Variants in GPC6 observed in about 807,000 individuals in gnomAD.
GPC6 encodes the protein glypican 6.
A neutral mutation model predicts 55.2 loss-of-function variants in GPC6; 14 were observed. The observed-to-expected ratio is 0.25, with a 90% CI of 0.17 to 0.40. GPC6 has a LOEUF of 0.40. Among genes scored for constraint, GPC6 ranks in the 10% least tolerant of loss-of-function variants. The pLI, the probability that GPC6 is intolerant of heterozygous loss-of-function variation, is 1.00. For missense variants in GPC6, 641 were observed against 708.5 expected, an observed-to-expected ratio of 0.90 and a Z score of 1.08; for synonymous variants, 278 against 259.6, an observed-to-expected ratio of 1.07 and a Z score of -0.68.
intron 6 of GPC6, among the ~76,000 whole-genome samples, chr13:94,341,836 A>G (rs1225932941): frequency 6.6e-6 from 1 of 152,264 alleles, no homozygotes; most frequent in Non-Finnish European, 1.5e-5. Flanking sequence ...AATGATATTA[A>G]TAATGCATTA....
intron 2 of GPC6, among the ~76,000 whole-genome samples, chr13:93,705,937 G>T (rs1882835456): frequency 6.6e-6 from 1 of 150,864 alleles, no homozygotes; most frequent in Non-Finnish European, 1.5e-5. Flanking sequence ...AATGAAACAT[G>T]AATACATACA....
At chr13:93,901,887 T>G (rs187999422) in intron 3 of GPC6, among the ~76,000 whole-genome samples, 1 of 138,638 alleles carries the variant, frequency 7.2e-6, no homozygotes, top group Admixed American at 7.5e-5. Flanking sequence ...GGCCACAGAG[T>G]GAGATTCCAT....
In GPC6 at chr13:93,307,226, T is replaced by C. The variant is rs542875395; in HGVS notation, c.160+79610T>C. ...CATATATGGCAGTAGTACAATGTAA[T>C]TTCTGGTATGGGTGAAATTATAGCC... is the stretch of plus-strand genomic sequence containing the variant. On this transcript the variant is annotated intron_variant, in intron 1 of 8. Coordinates refer to ENST00000377047, the MANE Select transcript of GPC6 (RefSeq NM_005708.5). Among the ~76,000 whole-genome samples, 3 of 152,264 alleles carry C rather than the reference T, an allele frequency of 2.0e-5. No homozygotes were observed. The South Asian group carries it at 6.2e-4, about 32-fold the overall frequency.
At chr13:93,501,238 A>G (rs376584205) in intron 1 of GPC6, among the ~76,000 whole-genome samples, 1 of 152,156 alleles carries the variant, frequency 6.6e-6, no homozygotes, top group African/African-American at 2.4e-5. Context: ...AAATGCTTAA[A>G]TCTCACACTT....
At chr13:93,580,978 T>C (rs1415321954) in intron 2 of GPC6, among the ~76,000 whole-genome samples, 1 of 152,136 alleles carries the variant, frequency 6.6e-6, no homozygotes, top group African/African-American at 2.4e-5. Context: ...AGCAAAAGGA[T>C]TTGTCACATT....
intron 3 of GPC6, among the ~76,000 whole-genome samples, chr13:93,905,425 A>C (rs1876612426): frequency 6.6e-6 from 1 of 152,184 alleles, no homozygotes; most frequent in Non-Finnish European, 1.5e-5. Context: ...ATAAGAAGTT[A>C]GTTAATTTTG....
intron 1 of GPC6, among the ~76,000 whole-genome samples, chr13:93,375,657 G>A (rs1290346695): frequency 2.0e-5 from 3 of 152,196 alleles, no homozygotes; most frequent in Admixed American, 6.5e-5. Context: ...GGCCATTCTG[G>A]CTGGACAACC....
intron 1 of GPC6, among the ~76,000 whole-genome samples, chr13:93,321,949 C>T (rs1879456506): frequency 6.6e-6 from 1 of 152,118 alleles, no homozygotes; most frequent in Admixed American, 6.6e-5. Flanking sequence ...ATCAGTCTTC[C>T]TCTTCCTCCC....
intron 3 of GPC6, among the ~76,000 whole-genome samples, chr13:93,950,526 A>T (rs1879207099): frequency 1.3e-5 from 2 of 152,188 alleles, no homozygotes; most frequent in African/African-American, 4.8e-5. Context: ...ATTACTAGTG[A>T]TGAGGATGAT....
intron 6 of GPC6, among the ~76,000 whole-genome samples, chr13:94,340,881 A>G (rs1878000115): frequency 6.6e-6 from 1 of 152,254 alleles, no homozygotes; most frequent in African/African-American, 2.4e-5. Context: ...GCCCCTTGCT[A>G]ACATTACCAA....
chr13:94,148,387 C>G (rs1368099865), intron 4 of GPC6, among the ~76,000 whole-genome samples: 1 of 152,100 alleles, frequency 6.6e-6, no homozygotes, highest in African/African-American at 2.4e-5. Flanking sequence ...CCAGGAAAAA[C>G]TCATTACAGG....
In GPC6 at chr13:93,585,339, A is replaced by AAC. The variant is rs200771932; in HGVS notation, c.319+39932_319+39933dup. ...CCTCATTCTACCTGGTATATGTTAAAACACACACACACACATGCACAATTT... is the reference window on the plus strand; with the variant it reads ...CCTCATTCTACCTGGTATATGTTAAAACACACACACACACACATGCACAATTT... On this transcript the variant is annotated intron_variant, in intron 2 of 8. Transcript: ENST00000377047. Among the ~76,000 whole-genome samples, 99 of 151,916 alleles carry AAC rather than the reference A, an allele frequency of 6.5e-4. No homozygotes were observed. The East Asian group carries it at 0.017, about 26-fold the overall frequency.
chr13:94,137,843 A>G (rs1887240551), intron 4 of GPC6, among the ~76,000 whole-genome samples: 1 of 152,208 alleles, frequency 6.6e-6, no homozygotes, highest in Non-Finnish European at 1.5e-5. Flanking sequence ...GATTGAAAGA[A>G]GGGAGGTGGA....
intron 3 of GPC6, among the ~76,000 whole-genome samples, chr13:93,948,226 A>G (rs1370594237): frequency 6.6e-6 from 1 of 152,204 alleles, no homozygotes; most frequent in Non-Finnish European, 1.5e-5. Flanking sequence ...GCCCCCCATT[A>G]AATGATTATA....
At chr13:93,284,400 A>G (rs1878044748) in intron 1 of GPC6, among the ~76,000 whole-genome samples, 1 of 152,250 alleles carries the variant, frequency 6.6e-6, no homozygotes, top group Non-Finnish European at 1.5e-5. Context: ...TGTCTGAGCT[A>G]CAGAGAATAT....
At chr13:94,381,336 C>A (rs1469190873) in intron 6 of GPC6, among the ~76,000 whole-genome samples, 1 of 152,138 alleles carries the variant, frequency 6.6e-6, no homozygotes, top group Admixed American at 6.5e-5. Context: ...AGTCTGAAAT[C>A]AAGGTGTCGG....
intron 4 of GPC6, among the ~76,000 whole-genome samples, chr13:94,115,445 A>T (rs554188950): frequency 3.3e-5 from 5 of 152,224 alleles, no homozygotes; most frequent in African/African-American, 9.6e-5. Flanking sequence ...AATCTCTTCA[A>T]ACAAAGGGAC....
At chr13:93,883,570 T>G (rs1013737347) in intron 3 of GPC6, among the ~76,000 whole-genome samples, 2 of 152,168 alleles carry the variant, frequency 1.3e-5, no homozygotes, top group African/African-American at 4.8e-5. Flanking sequence ...TTGAGCATTT[T>G]TTCATATGCT....
At position 93,687,469 on chromosome 13, in the gene GPC6, G is replaced by T. The variant is rs972128379; in HGVS notation, c.319+142048G>T. Among the ~76,000 whole-genome samples, 9 of 152,108 alleles carry T rather than the reference G, an allele frequency of 5.9e-5. No homozygotes were observed. The East Asian group carries it at 1.7e-3, about 29-fold the overall frequency. On this transcript the variant is annotated intron_variant, in intron 2 of 8. Coordinates refer to ENST00000377047, the MANE Select transcript of GPC6 (RefSeq NM_005708.5). ...GACTTGTAAGGAATTGAAAGTTGAG[G>T]CCAACTCATTGGCTGATATTTGGTG...
Sources: gnomAD v4.1 joint callset for allele counts (sites outside exome capture counted in the v4.1 genomes callset) on GRCh38, gnomAD v4.1.1 for gene constraint, MANE v1.5 for transcripts, NCBI Gene and HGNC (gene_info 2026-07-23, HGNC 2026-07-21) for gene names.